GP1BB: variants seen among roughly 807,000 people sequenced by gnomAD.
GP1BB encodes glycoprotein Ib platelet subunit beta, also known as platelet glycoprotein Ib beta chain.
In GP1BB, 3 loss-of-function variants were observed where a neutral mutation model predicts 2.5. The ratio of observed to expected loss-of-function variants is 1.22; its 90% confidence interval spans 0.56 to 3.15. The LOEUF is 3.15. Among genes scored for constraint, GP1BB ranks in the 30% most tolerant of loss-of-function variants. The probability of loss-of-function intolerance (pLI) is 0.03; values close to 1 mark genes in which losing one functional copy is unlikely to be tolerated. For missense variants in GP1BB, 316 were observed against 307.0 expected, an observed-to-expected ratio of 1.03 and a Z score of -0.22; for synonymous variants, 191 against 167.5, an observed-to-expected ratio of 1.14 and a Z score of -1.08.
In GP1BB at chr22:19,724,047, G is replaced by A; in HGVS notation, c.204G>A (p.Thr68=). ...TELVLTGNNL[T]ALPPGLLDAL... ...TGGTGCTGACCGGCAACAACCTGAC[G>A]GCGCTGCCGCCGGGGCTGCTGGACG... Residue 68 remains threonine (T), a synonymous_variant, in exon 2 of 2, where the codon ACG becomes ACA. Transcript: ENST00000366425. 1 of 1,515,996 alleles carries A rather than the reference G, an allele frequency of 6.6e-7. No homozygotes were observed. Among genetic ancestry groups the A allele is most frequent in the East Asian group, 2.6e-5 (1 of 37,930 alleles). The allele number at this position is 1,515,996 out of a possible 1,614,324, so 93.9% of individuals were successfully genotyped here.
At position 19,724,635 on chromosome 22, in the gene GP1BB, A is replaced by G. The variant is rs1044414426; in HGVS notation, c.*171A>G. On this transcript the variant is annotated 3_prime_UTR_variant, in exon 2 of 2. Transcript: ENST00000366425. ...CCTGCAGGCCCAGACCACGTGGGAC[A>G]GAACTCCTGCCCACCCTACCCCGAG... The G allele has an allele frequency of 7.8e-6, 5 of 642,158 alleles. No homozygotes were observed. Among genetic ancestry groups the G allele is most frequent in the Non-Finnish European group, 1.4e-5 (5 of 352,184 alleles). The allele number at this position is 642,158 out of a possible 1,614,324, so 39.8% of individuals were successfully genotyped here.
rs974728570 is a variant in GP1BB, at chr22:19,724,760, C to G, written c.*296C>G. 1 of 441,986 alleles carries G rather than the reference C, an allele frequency of 2.3e-6. No individual in the cohort carries two copies. 27.4% of individuals were successfully genotyped at this position (441,986 alleles called of 1,614,324 possible). A position where few individuals can be genotyped will look rare whatever the true frequency, so the allele number is the denominator to read the frequency against. On this transcript the variant is annotated 3_prime_UTR_variant, in exon 2 of 2. Transcript: ENST00000366425. ...TCCAAACTCTGGTGCTGAATAAACC[C>G]TTCTGATCTGGTCTTCTCTGCACGA... is the stretch of plus-strand genomic sequence containing the variant.
rs1453171897 is a variant in GP1BB at position 19,723,897 on chromosome 22, G to A, written c.54G>A (p.Pro18=). 7 of 1,521,690 alleles carry A rather than the reference G, an allele frequency of 4.6e-6. No individual in the cohort carries two copies. The highest frequency in any genetic ancestry group is 1.8e-6 in the Non-Finnish European group (2 of 1,141,726). The allele number at this position is 1,521,690 out of a possible 1,614,324, so 94.3% of individuals were successfully genotyped here. A position where few individuals can be genotyped will look rare whatever the true frequency, so the allele number is the denominator to read the frequency against. ...ALSLLLLLLA[P]PSRPAAGCPA... is the part of the protein sequence containing the mutation. ...GCTTACTGCTCCTGCTGCTGGCCCC[G>A]CCGAGCCGCCCGGCCGCAGGTTGCC... The change falls in exon 2 of 2, where the codon CCG becomes CCA. Residue 18 remains proline (P), a synonymous_variant. Coordinates refer to ENST00000366425, the MANE Select transcript of GP1BB (RefSeq NM_000407.5).
Position 19,724,614 on chromosome 22 carries a change from C to CA in GP1BB, c.*151dup, listed in dbSNP as rs1936130338. On this transcript the variant is annotated 3_prime_UTR_variant, in exon 2 of 2. Transcript: ENST00000366425. ...CAATCTCTCAGACCCACCCCACCTGCAGGCCCAGACCACGTGGGACAGAAC... is the reference window on the plus strand; with the variant it reads ...CAATCTCTCAGACCCACCCCACCTGCAAGGCCCAGACCACGTGGGACAGAAC... 6 of 674,678 alleles carry CA rather than the reference C, an allele frequency of 8.9e-6. No individual in the cohort carries two copies. The highest frequency in any genetic ancestry group is 1.6e-5 in the Non-Finnish European group (6 of 370,958). The allele number at this position is 674,678 out of a possible 1,614,324, so 41.8% of individuals were successfully genotyped here.
Position 19,724,013 on chromosome 22 carries a change from C to T in GP1BB, c.170C>T (p.Thr57Ile). Reference protein sequence around the residue: ...ASLPTAFPVDTTELVLTGNNL... With the variant: ...ASLPTAFPVDITELVLTGNNL... ...CTGCCGACCGCCTTCCCTGTCGACACAACCGAGCTGGTGCTGACCGGCAAC... is the reference window on the plus strand; with the variant it reads ...CTGCCGACCGCCTTCCCTGTCGACATAACCGAGCTGGTGCTGACCGGCAAC... The change falls in exon 2 of 2, where the codon ACA becomes ATA. Residue 57 changes from threonine to isoleucine, a missense_variant. Transcript: ENST00000366425. 3 of 1,537,516 alleles carry T rather than the reference C, an allele frequency of 2.0e-6. No individual in the cohort carries two copies. Among genetic ancestry groups the T allele is most frequent in the Middle Eastern group, 1.8e-4 (1 of 5,632 alleles).
Position 19,724,606 on chromosome 22 carries a change from C to T in GP1BB, c.*142C>T, listed in dbSNP as rs1435275147. 1.2e-5 allele frequency: 8 copies of T among 695,464 alleles called. No homozygotes were observed. The African/African-American group carries it at 1.2e-4, about 11-fold the overall frequency. The allele number at this position is 695,464 out of a possible 1,614,324, so 43.1% of individuals were successfully genotyped here. The stretch of plus-strand genomic sequence containing the variant: ...CCGCTGCCCAATCTCTCAGACCCAC[C>T]CCACCTGCAGGCCCAGACCACGTGG... On this transcript the variant is annotated 3_prime_UTR_variant, in exon 2 of 2. Transcript: ENST00000366425.
In GP1BB at chr22:19,723,865, G is replaced by A; in HGVS notation, c.22G>A (p.Ala8Thr). MGSGPRGALSLLLLLLAP... is the reference protein window; with the variant it reads MGSGPRGTLSLLLLLLAP... ...CGCTTCCCTTGCAGGGCCGCGCGGG[G>A]CGCTGAGCTTACTGCTCCTGCTGCT... Residue 8 changes from alanine to threonine, a missense_variant, in exon 2 of 2, where the codon GCG becomes ACG. Physicochemically the swap from Ala to Thr is moderately conservative, Grantham distance 58. Coordinates refer to ENST00000366425, the MANE Select transcript of GP1BB (RefSeq NM_000407.5). The A allele has an allele frequency of 6.6e-7, 1 of 1,524,608 alleles. No individual in the cohort carries two copies. The highest frequency in any genetic ancestry group is 8.8e-7 in the Non-Finnish European group (1 of 1,142,612). The allele number at this position is 1,524,608 out of a possible 1,614,324, so 94.4% of individuals were successfully genotyped here. A position where few individuals can be genotyped will look rare whatever the true frequency, so the allele number is the denominator to read the frequency against.
chr22:19,724,480 G>A lies in GP1BB; in HGVS notation c.*16G>A, dbSNP rs1193215940. The stretch of plus-strand genomic sequence containing the variant: ...CGAGTCCTGAGGAGAGAACCGGTGC[G>A]TCCTGAGGAGAGAACCGGCGCTGGG... On this transcript the variant is annotated 3_prime_UTR_variant, in exon 2 of 2. Coordinates refer to ENST00000366425, the MANE Select transcript of GP1BB (RefSeq NM_000407.5). The A allele has an allele frequency of 6.7e-7, 1 of 1,494,170 alleles. No homozygotes were observed. The allele number at this position is 1,494,170 out of a possible 1,614,324, so 92.6% of individuals were successfully genotyped here.
rs1389299093 is a variant in GP1BB at position 19,724,509 on chromosome 22, C to T, written c.*45C>T. The T allele has an allele frequency of 5.4e-6, 7 of 1,307,288 alleles. No individual in the cohort carries two copies. The highest frequency in any genetic ancestry group is 1.5e-5 in the African/African-American group (1 of 68,276). 81.0% of individuals were successfully genotyped at this position (1,307,288 alleles called of 1,614,324 possible). On this transcript the variant is annotated 3_prime_UTR_variant, in exon 2 of 2. Coordinates refer to ENST00000366425, the MANE Select transcript of GP1BB (RefSeq NM_000407.5). Reference sequence around the variant, plus strand: ...TGAGGAGAGAACCGGCGCTGGGCAACACGGGCCTGCAAACTCGACAGGACC... The same window carrying T: ...TGAGGAGAGAACCGGCGCTGGGCAATACGGGCCTGCAAACTCGACAGGACC...
Position 19,724,683 on chromosome 22 carries a change from G to T in GP1BB, c.*219G>T, listed in dbSNP as rs937231633. 3 of 590,056 alleles carry T rather than the reference G, an allele frequency of 5.1e-6. No homozygotes were observed. Among genetic ancestry groups the T allele is most frequent in the African/African-American group, 3.8e-5 (2 of 53,306 alleles). 36.6% of individuals were successfully genotyped at this position (590,056 alleles called of 1,614,324 possible). ...GAGGGAGGCGAACCCGCACTTCCAG[G>T]CTTGGGAGGACCATGGGGCACAATG... On this transcript the variant is annotated 3_prime_UTR_variant, in exon 2 of 2. Coordinates refer to ENST00000366425, the MANE Select transcript of GP1BB (RefSeq NM_000407.5).
In GP1BB at chr22:19,724,054, C is replaced by G. The variant is rs1172869672; in HGVS notation, c.211C>G (p.Pro71Ala). The change falls in exon 2 of 2, where the codon CCG becomes GCG. Residue 71 changes from proline (P) to alanine (A), a missense_variant. Transcript: ENST00000366425. ...GACCGGCAACAACCTGACGGCGCTG[C>G]CGCCGGGGCTGCTGGACGCGCTGCC... ...VLTGNNLTAL[P>A]PGLLDALPAL... is the part of the protein sequence containing the mutation. 4 of 1,510,904 alleles carry G rather than the reference C, an allele frequency of 2.6e-6. No individual in the cohort carries two copies. Among genetic ancestry groups the G allele is most frequent in the Non-Finnish European group, 3.5e-6 (4 of 1,135,584 alleles). The allele number at this position is 1,510,904 out of a possible 1,614,324, so 93.6% of individuals were successfully genotyped here. A position where few individuals can be genotyped will look rare whatever the true frequency, so the allele number is the denominator to read the frequency against.
chr22:19,724,374 G>C lies in GP1BB; in HGVS notation c.531G>C (p.Arg177Ser), dbSNP rs1395510311. Residue 177 changes from arginine to serine, a missense_variant, in exon 2 of 2, where the codon AGG becomes AGC. Physicochemically the swap from Arg to Ser is moderately radical, Grantham distance 110. Coordinates refer to ENST00000366425, the MANE Select transcript of GP1BB (RefSeq NM_000407.5). ...TGCTGCTGCTGTGCCGCCTGCGGAG[G>C]CTGCGGGCCCGGGCCCGCGCTCGCG... ...LLVLLLCRLR[R>S]LRARARARAA... is the part of the protein sequence containing the mutation. The C allele has an allele frequency of 6.6e-7, 1 of 1,507,498 alleles. No individual in the cohort carries two copies. The highest frequency in any genetic ancestry group is 2.6e-5 in the East Asian group (1 of 38,910). The allele number at this position is 1,507,498 out of a possible 1,614,324, so 93.4% of individuals were successfully genotyped here.
chr22:19,724,305 G>A lies in GP1BB; in HGVS notation c.462G>A (p.Gln154=). ...GPLCWGALAA[Q]LALLGLGLLH... is the part of the protein sequence containing the mutation. Reference sequence around the variant, plus strand: ...TCTGCTGGGGGGCGCTGGCGGCGCAGCTTGCGCTGCTGGGCCTTGGGCTGC... The same window carrying A: ...TCTGCTGGGGGGCGCTGGCGGCGCAACTTGCGCTGCTGGGCCTTGGGCTGC... The change falls in exon 2 of 2, where the codon CAG becomes CAA. Residue 154 remains glutamine, a synonymous_variant. Coordinates refer to ENST00000366425, the MANE Select transcript of GP1BB (RefSeq NM_000407.5). 1 of 1,330,804 alleles carries A rather than the reference G, an allele frequency of 7.5e-7. No individual in the cohort carries two copies. The highest frequency in any genetic ancestry group is 2.1e-5 in the South Asian group (1 of 48,078). 82.4% of individuals were successfully genotyped at this position (1,330,804 alleles called of 1,614,324 possible).
Position 19,724,646 on chromosome 22 carries a change from C to G in GP1BB, c.*182C>G. On this transcript the variant is annotated 3_prime_UTR_variant, in exon 2 of 2. Coordinates refer to ENST00000366425, the MANE Select transcript of GP1BB (RefSeq NM_000407.5). The stretch of plus-strand genomic sequence containing the variant: ...AGACCACGTGGGACAGAACTCCTGC[C>G]CACCCTACCCCGAGGGAGGCGAACC... The G allele has an allele frequency of 1.6e-6, 1 of 620,728 alleles. No individual in the cohort carries two copies. The highest frequency in any genetic ancestry group is 2.9e-6 in the Non-Finnish European group (1 of 340,710). 38.5% of individuals were successfully genotyped at this position (620,728 alleles called of 1,614,324 possible).
Position 19,724,245 on chromosome 22 carries a change from G to T in GP1BB, c.402G>T (p.Glu134Asp). Residue 134 changes from glutamate (E) to aspartate (D), a missense_variant, in exon 2 of 2, where the codon GAG becomes GAT. Coordinates refer to ENST00000366425, the MANE Select transcript of GP1BB (RefSeq NM_000407.5). ...LRGRLLPYLA[E>D]DELRAACAPG... ...GCCGCCTGCTGCCCTATCTGGCCGA[G>T]GACGAGCTGCGCGCCGCTTGCGCTC... 3 of 1,241,904 alleles carry T rather than the reference G, an allele frequency of 2.4e-6. No homozygotes were observed. Among genetic ancestry groups the T allele is most frequent in the South Asian group, 3.3e-5 (1 of 30,040 alleles). The allele number at this position is 1,241,904 out of a possible 1,614,324, so 76.9% of individuals were successfully genotyped here.
Position 19,723,906 on chromosome 22 carries a change from C to T in GP1BB, c.63C>T (p.Arg21=), listed in dbSNP as rs754196456. 9.2e-6 allele frequency: 14 copies of T among 1,522,218 alleles called. No homozygotes were observed. The highest frequency in any genetic ancestry group is 4.4e-4 in the Middle Eastern group (2 of 4,586). The allele number at this position is 1,522,218 out of a possible 1,614,324, so 94.3% of individuals were successfully genotyped here. A position where few individuals can be genotyped will look rare whatever the true frequency, so the allele number is the denominator to read the frequency against. The change falls in exon 2 of 2, where the codon CGC becomes CGT. Residue 21 remains arginine, a synonymous_variant. Transcript: ENST00000366425. The stretch of plus-strand genomic sequence containing the variant: ...TCCTGCTGCTGGCCCCGCCGAGCCG[C>T]CCGGCCGCAGGTTGCCCGGCGCCCT... ...LLLLLLAPPS[R]PAAGCPAPCS...
At position 19,724,568 on chromosome 22, in the gene GP1BB, G is replaced by T. The variant is rs950558838; in HGVS notation, c.*104G>T. ...GGGGCCCTCGCGCCAACCTGGACCG[G>T]TCCCCGCCTCCTCCGCTGCCCAATC... On this transcript the variant is annotated 3_prime_UTR_variant, in exon 2 of 2. Coordinates refer to ENST00000366425, the MANE Select transcript of GP1BB (RefSeq NM_000407.5). The T allele has an allele frequency of 7.4e-5, 61 of 826,708 alleles. No individual in the cohort carries two copies. In the Middle Eastern group the frequency reaches 1.4e-3, roughly 19 times the overall value. 51.2% of individuals were successfully genotyped at this position (826,708 alleles called of 1,614,324 possible).
chr22:19,724,733 C>T lies in GP1BB; in HGVS notation c.*269C>T, dbSNP rs1016104459. 6 of 511,264 alleles carry T rather than the reference C, an allele frequency of 1.2e-5. No individual in the cohort carries two copies. The highest frequency in any genetic ancestry group is 2.0e-5 in the African/African-American group (1 of 50,588). The allele number at this position is 511,264 out of a possible 1,614,324, so 31.7% of individuals were successfully genotyped here. On this transcript the variant is annotated 3_prime_UTR_variant, in exon 2 of 2. Coordinates refer to ENST00000366425, the MANE Select transcript of GP1BB (RefSeq NM_000407.5). Reference sequence around the variant, plus strand: ...GCGGTCCAGACCCTGCTGCGTCTCCCTTCCAAACTCTGGTGCTGAATAAAC... The same window carrying T: ...GCGGTCCAGACCCTGCTGCGTCTCCTTTCCAAACTCTGGTGCTGAATAAAC...
In GP1BB at chr22:19,724,314, G is replaced by C; in HGVS notation, c.471G>C (p.Leu157=). 7.3e-7 allele frequency: 1 copy of C among 1,378,832 alleles called. No homozygotes were observed. 85.4% of individuals were successfully genotyped at this position (1,378,832 alleles called of 1,614,324 possible). The change falls in exon 2 of 2, where the codon CTG becomes CTC. Residue 157 remains leucine, a synonymous_variant. Coordinates refer to ENST00000366425, the MANE Select transcript of GP1BB (RefSeq NM_000407.5). The stretch of plus-strand genomic sequence containing the variant: ...GGGCGCTGGCGGCGCAGCTTGCGCT[G>C]CTGGGCCTTGGGCTGCTGCACGCGT... ...CWGALAAQLA[L]LGLGLLHALL...
Sources: gnomAD v4.1 joint callset for allele counts on GRCh38, gnomAD v4.1.1 for gene constraint, MANE v1.5 for transcripts, NCBI Gene and HGNC (gene_info 2026-07-23, HGNC 2026-07-21) for gene names.